The following GRM4 variants were observed in gnomAD, a reference collection of about 807,000 sequenced individuals.
GRM4 encodes glutamate metabotropic receptor 4.
A neutral mutation model predicts 81.7 loss-of-function variants in GRM4; 28 were observed. The ratio of observed to expected loss-of-function variants is 0.34; its 90% CI spans 0.25 to 0.47. GRM4 has a LOEUF of 0.47. Among genes scored for constraint, GRM4 ranks in the 20% least tolerant of loss-of-function variants. GRM4 has a pLI of 1.00. For missense variants in GRM4, 948 were observed against 1,290.0 expected, an observed-to-expected ratio of 0.73 and a Z score of 4.06; for synonymous variants, 488 against 528.8, an observed-to-expected ratio of 0.92 and a Z score of 1.06.
chr6:34,085,576 T>A (rs1309810433), intron 3 of GRM4, among the ~76,000 whole-genome samples: 5 of 152,122 alleles, frequency 3.3e-5, no homozygotes, highest in African/African-American at 4.8e-5. Flanking sequence ...CTCTCAGGTC[T>A]AGGGGTGGGA....
chr6:34,058,754 G>A (rs1202471948), intron 5 of GRM4, among the ~76,000 whole-genome samples: 7 of 152,244 alleles, frequency 4.6e-5, no homozygotes, highest in Non-Finnish European at 1.0e-4. Flanking sequence ...TCTGAGAAGA[G>A]AGGAGGGAAG....
chr6:34,143,418 C>T (rs1380708946), intron 1 of GRM4, among the ~76,000 whole-genome samples: 5 of 152,300 alleles, frequency 3.3e-5, no homozygotes, highest in Admixed American at 2.6e-4. Context: ...TTTCGAGAGC[C>T]GGTTCAGCAG....
intron 1 of GRM4, chr6:34,155,056 G>A: frequency 1.4e-6 from 2 of 1,480,568 alleles, no homozygotes; most frequent in South Asian, 2.6e-5. Flanking sequence ...GGACACGCCC[G>A]GATTGAGAGG....
In GRM4 at chr6:34,028,339, C is replaced by A; in HGVS notation, c.2470G>T (p.Val824Phe). 6.2e-7 allele frequency: 1 copy of A among 1,611,776 alleles called. No homozygotes were observed. The highest frequency in any genetic ancestry group is 8.5e-7 in the Non-Finnish European group (1 of 1,179,950). The change falls in exon 10 of 11, where the codon GTC (valine) becomes TTC (phenylalanine). Residue 824 changes from valine (V) to phenylalanine (F), a missense_variant. Physicochemically the swap from Val to Phe is conservative, Grantham distance 50. Coordinates refer to ENST00000538487, the MANE Select transcript of GRM4 (RefSeq NM_000841.4). The stretch of plus-strand genomic sequence containing the variant: ...ACCGAGGCGCTCAGACTCACCGAGA[C>A]CGTCAGCGTCGTCGTCTGGATGTAC... ...KLYIQTTTLT[V>F]SVSLSASVSL...
chr6:34,052,597 G>A (rs1015308678), intron 6 of GRM4, among the ~76,000 whole-genome samples: 33 of 152,232 alleles, frequency 2.2e-4, no homozygotes, highest in African/African-American at 7.2e-4. Flanking sequence ...GCCGACTATG[G>A]AATGTGAGCA....
Position 34,035,666 on chromosome 6 carries a change from A to G in GRM4, c.2442+2T>C. The G allele has an allele frequency of 6.6e-7, 1 of 1,523,108 alleles. No individual in the cohort carries two copies. The highest frequency in any genetic ancestry group is 1.5e-5 in the African/African-American group (1 of 67,170). 94.3% of individuals were successfully genotyped at this position (1,523,108 alleles called of 1,614,324 possible). A position where few individuals can be genotyped will look rare whatever the true frequency, so the allele number is the denominator to read the frequency against. ...CGTCCACCCCCGGCCCCCACCACTCACCTTGTCGGCCGACTGCGAGGTGCC... is the reference window on the plus strand; with the variant it reads ...CGTCCACCCCCGGCCCCCACCACTCGCCTTGTCGGCCGACTGCGAGGTGCC... On this transcript the variant is annotated splice_donor_variant, in intron 9 of 10. Transcript: ENST00000538487. LOFTEE classifies it high-confidence loss of function. This position sits in a 1 kb window ranked among gnomAD's most constrained non-coding sequence, Gnocchi z 6.6.
intron 2 of GRM4, among the ~76,000 whole-genome samples, chr6:34,102,331 C>T (rs1768883502): frequency 6.6e-6 from 1 of 152,248 alleles, no homozygotes; most frequent in Non-Finnish European, 1.5e-5. Context: ...CTCAACACCT[C>T]TGATCTCATC....
In GRM4 at chr6:34,136,563, G is replaced by GGGACAC. The variant is rs1554134962; in HGVS notation, c.-363-2705_-363-2704insGTGTCC. Among the ~76,000 whole-genome samples the GGGACAC allele has an allele frequency of 1.1e-4, 15 of 142,430 alleles. No individual in the cohort carries two copies. Among genetic ancestry groups the GGGACAC allele is most frequent in the African/African-American group, 3.3e-4 (12 of 36,746 alleles). 93.4% of individuals were successfully genotyped at this position (142,430 alleles called of 152,430 possible). The stretch of plus-strand genomic sequence containing the variant: ...GCTGAGCAGTGCATGCGCGCGTGCG[G>GGGACAC]ACACACACACACACACACACACACA... On this transcript the variant is annotated intron_variant, in intron 1 of 10. Coordinates refer to ENST00000538487, the MANE Select transcript of GRM4 (RefSeq NM_000841.4). This position sits in a 1 kb window ranked among gnomAD's most constrained non-coding sequence, Gnocchi z 4.1.
At position 34,111,112 on chromosome 6, in the gene GRM4, C is replaced by T; in HGVS notation, c.520-19013G>A. 6.8e-6 allele frequency: 1 copy of T among 147,372 alleles called. No homozygotes were observed. The highest frequency in any genetic ancestry group is 2.1e-4 in the East Asian group (1 of 4,872). 9.1% of individuals were successfully genotyped at this position (147,372 alleles called of 1,614,324 possible). On this transcript the variant is annotated intron_variant, in intron 2 of 10. Coordinates refer to ENST00000538487, the MANE Select transcript of GRM4 (RefSeq NM_000841.4). The surrounding 1 kb of genome is among the most constrained non-coding windows in gnomAD (Gnocchi z 5.1). ...GGGAGGAGGAGACACACACAGGCCA[C>T]ATACACACACACACACACACACACA...
chr6:34,123,021 G>C (rs1387665421), intron 2 of GRM4, among the ~76,000 whole-genome samples: 1 of 152,184 alleles, frequency 6.6e-6, no homozygotes, highest in African/African-American at 2.4e-5. Flanking sequence ...GGGTGAGGGG[G>C]AGCAGGGTCA....
rs894321005 is a variant in GRM4 at position 34,022,610 on chromosome 6, A to C, written c.*211T>G. On this transcript the variant is annotated 3_prime_UTR_variant, in exon 11 of 11. Coordinates refer to ENST00000538487, the MANE Select transcript of GRM4 (RefSeq NM_000841.4). This position sits in a 1 kb window ranked among gnomAD's most constrained non-coding sequence, Gnocchi z 5.6. ...ACGCAGGTTCTTGTGGTAGCCTGGC[A>C]CCGCCCCGGCCCCTCGTCCTCCTGT... is the stretch of plus-strand genomic sequence containing the variant. 1 of 590,454 alleles carries C rather than the reference A, an allele frequency of 1.7e-6. No individual in the cohort carries two copies. The allele number at this position is 590,454 out of a possible 1,614,324, so 36.6% of individuals were successfully genotyped here. A position where few individuals can be genotyped will look rare whatever the true frequency, so the allele number is the denominator to read the frequency against.
intron 2 of GRM4, among the ~76,000 whole-genome samples, chr6:34,107,921 T>C (rs958738494): frequency 1.1e-4 from 17 of 152,212 alleles, no homozygotes; most frequent in Admixed American, 4.6e-4. Flanking sequence ...GACAAGCCCT[T>C]GCCTAGACAC....
Position 34,130,006 on chromosome 6 carries a change from G to A in GRM4, c.519+2972C>T, listed in dbSNP as rs558548197. Among the ~76,000 whole-genome samples the A allele has an allele frequency of 1.9e-3, 296 of 152,250 alleles. No homozygotes were observed. The highest frequency in any genetic ancestry group is 3.2e-3 in the Non-Finnish European group (219 of 68,012). On this transcript the variant is annotated intron_variant, in intron 2 of 10. Coordinates refer to ENST00000538487, the MANE Select transcript of GRM4 (RefSeq NM_000841.4). This position sits in a 1 kb window ranked among gnomAD's most constrained non-coding sequence, Gnocchi z 4.1. ...CATTAACCCATCATTAGGGGAGCAG[G>A]GCGGGGGCTGCAGTGGTGCCCTTTG...
rs1769519536 is a variant in GRM4 at position 34,114,742 on chromosome 6, C to T, written c.519+18236G>A. Among the ~76,000 whole-genome samples the T allele has an allele frequency of 6.6e-6, 1 of 152,126 alleles. No individual in the cohort carries two copies. Among genetic ancestry groups the T allele is most frequent in the Non-Finnish European group, 1.5e-5 (1 of 68,030 alleles). The stretch of plus-strand genomic sequence containing the variant: ...GAACTGCCCTCGCCCTCCTCTGAGC[C>T]CCTAGACCCTCACCTGTACCCCCTC... On this transcript the variant is annotated intron_variant, in intron 2 of 10. Coordinates refer to ENST00000538487, the MANE Select transcript of GRM4 (RefSeq NM_000841.4). This position sits in a 1 kb window ranked among gnomAD's most constrained non-coding sequence, Gnocchi z 4.3.
rs1352195256 is a variant in GRM4 at position 34,085,852 on chromosome 6, G to A, written c.736+6031C>T. ...AGGCAGGGGCTGTTTCAGATAGGCTGGTCAGAGGCCTCTCTGAAGGGAGAC... is the reference window on the plus strand; with the variant it reads ...AGGCAGGGGCTGTTTCAGATAGGCTAGTCAGAGGCCTCTCTGAAGGGAGAC... On this transcript the variant is annotated intron_variant, in intron 3 of 10. Transcript: ENST00000538487. 2.0e-5 allele frequency among the ~76,000 whole-genome samples: 3 copies of A among 152,286 alleles called. No homozygotes were observed. In the South Asian group the frequency reaches 6.2e-4, roughly 32 times the overall value.
At chr6:34,104,485 T>C (rs1165176184) in intron 2 of GRM4, among the ~76,000 whole-genome samples, 1 of 152,184 alleles carries the variant, frequency 6.6e-6, no homozygotes, top group African/African-American at 2.4e-5. Flanking sequence ...ACTTATTACC[T>C]TCATTTTTCA....
chr6:34,132,890 G>A (rs1255920157), intron 2 of GRM4, 88 bp downstream of exon 2: 2 of 1,077,850 alleles, frequency 1.9e-6, no homozygotes, highest in Non-Finnish European at 2.7e-6. Context: ...GGAAAAAGGG[G>A]CTGGTCGGCC....
intron 2 of GRM4, among the ~76,000 whole-genome samples, chr6:34,100,542 T>C (rs1768779316): frequency 1.3e-5 from 2 of 152,304 alleles, no homozygotes; most frequent in Non-Finnish European, 2.9e-5. Context: ...CCTCCAAAGC[T>C]CTGTCAGGCC....
chr6:34,129,819 A>G (rs576281120), intron 2 of GRM4, among the ~76,000 whole-genome samples: 1 of 152,300 alleles, frequency 6.6e-6, no homozygotes, highest in South Asian at 2.1e-4. Flanking sequence ...AGTTTTGCTC[A>G]TATCCTGACC....
Sources: gnomAD v4.1 joint callset for allele counts (sites outside exome capture counted in the v4.1 genomes callset) on GRCh38, gnomAD v4.1.1 for gene constraint, Gnocchi (gnomAD v3.1) non-coding constraint, MANE v1.5 for transcripts, NCBI Gene and HGNC (gene_info 2026-07-23, HGNC 2026-07-21) for gene names.